The following DKK4 variants were observed in gnomAD, a reference collection of about 807,000 sequenced individuals.
DKK4 encodes the protein dickkopf-related protein 4.
Under a neutral mutation model 14.5 loss-of-function variants are expected in DKK4, and 15 were observed. The observed-to-expected ratio is 1.03, with a 90% CI of 0.69 to 1.59. DKK4 has a LOEUF of 1.59. Ranked by LOEUF, DKK4 falls within the 40% of genes most tolerant of loss-of-function variation. The probability of loss-of-function intolerance (pLI) is 0.00; values close to 1 mark genes in which losing one functional copy is unlikely to be tolerated. For synonymous variants in DKK4, 89 were observed against 105.2 expected, an observed-to-expected ratio of 0.85 and a Z score of 0.94; for missense variants, 272 against 280.3, an observed-to-expected ratio of 0.97 and a Z score of 0.21.
At chr8:42,374,399 A>G (rs748615174) in intron 3 of DKK4, 40 bp from the exon 4 acceptor site, 35 of 1,607,988 alleles carry the variant, frequency 2.2e-5, no homozygotes, top group Non-Finnish European at 2.8e-5. Flanking sequence ...ATAAATAAGG[A>G]AAGTGGCCTG....
At chr8:42,378,366 C>T (rs191823094), upstream of DKK4, among the ~76,000 whole-genome samples, 1 of 152,326 alleles carries the variant, frequency 6.6e-6, no homozygotes, top group Non-Finnish European at 1.5e-5. Flanking sequence ...TGCATGGGAA[C>T]ATTCTCAATT....
the DKK4 span, among the ~76,000 whole-genome samples, chr8:42,388,361 C>G: frequency 6.6e-6 from 1 of 152,012 alleles, no homozygotes; most frequent in South Asian, 2.1e-4. Context: ...TCCTGAGTAG[C>G]TGGTACTACA....
upstream of DKK4, among the ~76,000 whole-genome samples, chr8:42,379,383 A>AGG: frequency 3.4e-5 from 1 of 29,702 alleles, no homozygotes; most frequent in Non-Finnish European, 6.2e-5. Flanking sequence ...ATATATAGAG[A>AGG]GAGAGAGAGA....
chr8:42,378,419 G>A (rs542530664), upstream of DKK4, among the ~76,000 whole-genome samples: 58 of 152,160 alleles, frequency 3.8e-4, 1 homozygote, highest in South Asian at 8.1e-3. Flanking sequence ...CAGGTGATTC[G>A]AGCCTTCCTA....
At chr8:42,385,994 T>G in the DKK4 span, among the ~76,000 whole-genome samples, 1 of 152,248 alleles carries the variant, frequency 6.6e-6, no homozygotes, top group South Asian at 2.1e-4. Flanking sequence ...AGTTCCAAAA[T>G]TAGCCATTAC....
the DKK4 span, among the ~76,000 whole-genome samples, chr8:42,385,851 A>C: frequency 6.6e-6 from 1 of 152,366 alleles, no homozygotes; most frequent in South Asian, 2.1e-4. Flanking sequence ...ACAGAAAAGT[A>C]TGAGGAAGAA....
At chr8:42,379,209 C>T (rs1412525804), upstream of DKK4, among the ~76,000 whole-genome samples, 1 of 147,990 alleles carries the variant, frequency 6.8e-6, no homozygotes, top group Non-Finnish European at 1.5e-5. Context: ...CAACACGGTG[C>T]CACTGCACTC....
At chr8:42,382,666 G>A in the DKK4 span, among the ~76,000 whole-genome samples, 1 of 152,216 alleles carries the variant, frequency 6.6e-6, no homozygotes. Flanking sequence ...TTCTGGCCAA[G>A]GTGCTGCCAT....
upstream of DKK4, among the ~76,000 whole-genome samples, chr8:42,378,593 C>T (rs1824603849): frequency 6.6e-6 from 1 of 152,030 alleles, no homozygotes; most frequent in South Asian, 2.1e-4. Context: ...ACAATTATGA[C>T]CAAGGATAAA....
upstream of DKK4, chr8:42,377,239 G>C: frequency 1.8e-6 from 1 of 562,322 alleles, no homozygotes; most frequent in Non-Finnish European, 3.2e-6. Context: ...TGACCAGCAG[G>C]TTCCTCCTGA....
chr8:42,388,763 G>A, the DKK4 span, among the ~76,000 whole-genome samples: 13 of 152,020 alleles, frequency 8.6e-5, no homozygotes, highest in South Asian at 2.7e-3. Context: ...TAGAGACGGG[G>A]TTTCACCATG....
chr8:42,382,575 C>A, the DKK4 span, among the ~76,000 whole-genome samples: 1 of 152,244 alleles, frequency 6.6e-6, no homozygotes, highest in Non-Finnish European at 1.5e-5. Flanking sequence ...TGAGCGGCAC[C>A]TGGAGCCGTG....
At position 42,374,324 on chromosome 8, in the gene DKK4, A is replaced by T; in HGVS notation, c.451T>A (p.Cys151Ser). The change falls in exon 4 of 4, where the codon TGT (cysteine) becomes AGT (serine). Residue 151 changes from cysteine to serine, a missense_variant. By Grantham distance (112) the Cys-to-Ser change is moderately radical (BLOSUM62 -1). Coordinates refer to ENST00000220812, the MANE Select transcript of DKK4 (RefSeq NM_014420.3). ...EGESCLRTFD[C>S]GPGLCCARHF... ...CGAGCACAGCAAAGTCCAGGGCCACAGTCAAAAGTTCTCAGACAACTTTCT... is the reference window on the plus strand; with the variant it reads ...CGAGCACAGCAAAGTCCAGGGCCACTGTCAAAAGTTCTCAGACAACTTTCT... 3 of 1,613,824 alleles carry T rather than the reference A, an allele frequency of 1.9e-6. No homozygotes were observed. Among genetic ancestry groups the T allele is most frequent in the Non-Finnish European group, 2.5e-6 (3 of 1,179,956 alleles).
At chr8:42,380,642 AAGTG>A (rs199542950), upstream of DKK4, among the ~76,000 whole-genome samples, 9 of 128,764 alleles carry the variant, frequency 7.0e-5, no homozygotes, top group African/African-American at 2.6e-4. Flanking sequence ...AGAGGAAAGA[AAGTG>A]AGAGAAAGGA....
At chr8:42,384,334 G>A in the DKK4 span, among the ~76,000 whole-genome samples, 1 of 152,124 alleles carries the variant, frequency 6.6e-6, no homozygotes, top group Non-Finnish European at 1.5e-5. Flanking sequence ...GTGGAGATGG[G>A]GTCTTGCTAT....
Position 42,375,028 on chromosome 8 carries a change from T to C in DKK4, c.263-115A>G. Reference sequence around the variant, plus strand: ...AGCACCTCTGCCTTCAGTTTATATATAACTTTCTAGATTTCTGGAACATGT... The same window carrying C: ...AGCACCTCTGCCTTCAGTTTATATACAACTTTCTAGATTTCTGGAACATGT... On this transcript the variant is annotated intron_variant, in intron 2 of 3. Coordinates refer to ENST00000220812, the MANE Select transcript of DKK4 (RefSeq NM_014420.3). 2.9e-6 allele frequency: 3 copies of C among 1,038,206 alleles called. No homozygotes were observed. The East Asian group carries it at 7.3e-5, about 25-fold the overall frequency. The allele number at this position is 1,038,206 out of a possible 1,614,324, so 64.3% of individuals were successfully genotyped here. A position where few individuals can be genotyped will look rare whatever the true frequency, so the allele number is the denominator to read the frequency against.
At chr8:42,390,836 G>C in the DKK4 span, among the ~76,000 whole-genome samples, 1 of 152,054 alleles carries the variant, frequency 6.6e-6, no homozygotes, top group African/African-American at 2.4e-5. Context: ...CTCACACCAG[G>C]GGCATATGTC....
chr8:42,375,533 AG>A (rs2130872745), intron 2 of DKK4, 146 bp downstream of exon 2: 6 of 998,104 alleles, frequency 6.0e-6, no homozygotes, highest in Non-Finnish European at 5.6e-6. Flanking sequence ...AAAAAAAAAA[AG>A]GAAAAGAAAA....
chr8:42,375,217 G>A (rs1824533651), intron 2 of DKK4, among the ~76,000 whole-genome samples: 2 of 152,142 alleles, frequency 1.3e-5, no homozygotes, highest in Non-Finnish European at 2.9e-5. Context: ...GGCAAGAGCT[G>A]TTGCCAGGAA....
Sources: allele counts gnomAD v4.1 joint callset (sites outside exome capture counted in the v4.1 genomes callset), GRCh38; gene constraint gnomAD v4.1.1; transcripts MANE v1.5; gene names NCBI Gene and HGNC (gene_info 2026-07-23, HGNC 2026-07-21).